Variants in DDX19A observed in about 807,000 individuals in gnomAD.
DDX19A encodes the protein ATP-dependent RNA helicase DDX19A.
Under a neutral mutation model 60.6 loss-of-function variants are expected in DDX19A, and 12 were observed. That is an observed-to-expected ratio of 0.20 (90% CI 0.13 to 0.32). The LOEUF (loss-of-function observed/expected upper bound fraction) is 0.32. Among genes scored for constraint, DDX19A ranks in the 10% least tolerant of loss-of-function variants. The pLI is 1.00. For synonymous variants in DDX19A, 206 were observed against 218.2 expected (o/e 0.94, Z 0.49); for missense variants, 337 against 600.6 (o/e 0.56, Z 4.59).
chr16:70,349,742 C>T (rs1963956652), intron 1 of DDX19A, among the ~76,000 whole-genome samples: 1 of 152,180 alleles, frequency 6.6e-6, no homozygotes, highest in Non-Finnish European at 1.5e-5. Context: ...GAAAGAGTTA[C>T]TGAGAATTGG....
At chr16:70,350,686 G>C in intron 2 of DDX19A, 81 bp downstream of exon 2, 3 of 1,068,240 alleles carry the variant, frequency 2.8e-6, no homozygotes, top group Non-Finnish European at 4.2e-6. Context: ...TGTACAAAGA[G>C]CTGTCATTTC....
At chr16:70,361,363 C>A in intron 4 of DDX19A, 55 bp from the exon 5 acceptor site, 1 of 1,294,716 alleles carries the variant, frequency 7.7e-7, no homozygotes, top group Non-Finnish European at 1.1e-6. Flanking sequence ...GATTCTAGGC[C>A]TCTAAAACAA....
intron 2 of DDX19A, among the ~76,000 whole-genome samples, chr16:70,351,776 G>A (rs182157475): frequency 2.0e-4 from 30 of 150,804 alleles, no homozygotes; most frequent in South Asian, 4.2e-4. Flanking sequence ...GATCCACCCC[G>A]CTTGGCCTCC....
At chr16:70,348,142 T>C (rs1286413511) in intron 1 of DDX19A, among the ~76,000 whole-genome samples, 1 of 151,856 alleles carries the variant, frequency 6.6e-6, no homozygotes, top group Non-Finnish European at 1.5e-5. Context: ...AGGGCCTATG[T>C]TGGGCAGTGG....
chr16:70,356,427 G>T (rs1164157240), intron 4 of DDX19A, among the ~76,000 whole-genome samples, 180 bp downstream of exon 4: 6 of 151,900 alleles, frequency 3.9e-5, no homozygotes. Flanking sequence ...CGTGATCTCA[G>T]CTCACTGCAG....
chr16:70,366,454 G>C (rs1964522326), intron 8 of DDX19A, 170 bp from the exon 9 acceptor site: 5 of 1,232,688 alleles, frequency 4.1e-6, no homozygotes, highest in Non-Finnish European at 4.5e-6. Context: ...AGGAGACCTA[G>C]GGACTCTTCC....
chr16:70,348,784 C>CA (rs1044466003), intron 1 of DDX19A, among the ~76,000 whole-genome samples: 4 of 151,426 alleles, frequency 2.6e-5, no homozygotes, highest in Admixed American at 6.6e-5. Flanking sequence ...TACAAAAATA[C>CA]AAAAAAAATT....
At chr16:70,359,984 A>G (rs917381324) in intron 4 of DDX19A, among the ~76,000 whole-genome samples, 5 of 151,836 alleles carry the variant, frequency 3.3e-5, no homozygotes, top group Admixed American at 3.3e-4. Context: ...GGCTTCATCA[A>G]TTTTCTTTTT....
intron 4 of DDX19A, among the ~76,000 whole-genome samples, chr16:70,357,655 A>G (rs781742467): frequency 2.6e-5 from 4 of 151,962 alleles, no homozygotes; most frequent in Non-Finnish European, 5.9e-5. Context: ...AAGTGCTGAG[A>G]TTACAGGCAT....
intron 9 of DDX19A, 106 bp downstream of exon 9, chr16:70,366,967 G>A (rs1964538893): frequency 7.6e-7 from 1 of 1,320,908 alleles, no homozygotes; most frequent in Admixed American, 1.9e-5. Context: ...GAAGGGAAGT[G>A]CTTTTTGAAG....
chr16:70,367,085 T>C lies in DDX19A; in HGVS notation c.1020+224T>C, dbSNP rs530848519. On this transcript the variant is annotated intron_variant, in intron 9 of 11. Transcript: ENST00000302243. ...TTATGTCTTATTTGTGGATGATGTA[T>C]TGTTGCACAACCCAAGAGAATCAAC... 2.2e-4 allele frequency among the ~76,000 whole-genome samples: 34 copies of C among 152,288 alleles called. No homozygotes were observed. In the South Asian group the frequency reaches 6.8e-3, roughly 31 times the overall value.
At position 70,365,026 on chromosome 16, in the gene DDX19A, C is replaced by G; in HGVS notation, c.499C>G (p.Leu167Val). Residue 167 changes from leucine (L) to valine (V), a missense_variant, in exon 7 of 12, where the codon CTC (leucine) becomes GTC (valine). Leu to Val is a conservative substitution (Grantham distance 32). Coordinates refer to ENST00000302243, the MANE Select transcript of DDX19A (RefSeq NM_018332.5). ...PSDRYPQCLC[L>V]SPTYELALQT... ...ATGATTTTTCTGTCAGTGTCTGTGCCTCTCCCCAACATATGAGCTGGCGCT... is the reference window on the plus strand; with the variant it reads ...ATGATTTTTCTGTCAGTGTCTGTGCGTCTCCCCAACATATGAGCTGGCGCT... 1 of 1,613,946 alleles carries G rather than the reference C, an allele frequency of 6.2e-7. No individual in the cohort carries two copies. Among genetic ancestry groups the G allele is most frequent in the Non-Finnish European group, 8.5e-7 (1 of 1,179,890 alleles).
At chr16:70,355,347 C>T in intron 2 of DDX19A, 138 bp from the exon 3 acceptor site, 1 of 661,420 alleles carries the variant, frequency 1.5e-6, no homozygotes, top group Non-Finnish European at 2.6e-6. Context: ...TGCACTCCAG[C>T]CTTGGGCTAC....
Position 70,366,223 on chromosome 16 carries a change from C to G in DDX19A, c.743C>G (p.Ala248Gly). ...CTGGATGAGGCTGATGTCATGATAG[C>G]CACTCAGGGCCACCAAGATCAGAGC... is the stretch of plus-strand genomic sequence containing the variant. ...FVLDEADVMI[A>G]TQGHQDQSIR... Residue 248 changes from alanine (A) to glycine (G), a missense_variant, in exon 8 of 12, where the codon GCC becomes GGC. This residue lies in a region of DDX19A where 117 missense variants were observed against 274.3 expected (regional missense o/e 0.43). Transcript: ENST00000302243. 6.2e-7 allele frequency: 1 copy of G among 1,614,086 alleles called. No individual in the cohort carries two copies. Among genetic ancestry groups the G allele is most frequent in the South Asian group, 1.1e-5 (1 of 91,074 alleles).
chr16:70,351,498 C>T (rs997984225), intron 2 of DDX19A, among the ~76,000 whole-genome samples: 1 of 151,872 alleles, frequency 6.6e-6, no homozygotes, highest in Non-Finnish European at 1.5e-5. Flanking sequence ...TGAGTCACTG[C>T]ACTTGGCCTA....
At chr16:70,369,209 CTCG>C (rs138259855) in intron 9 of DDX19A, among the ~76,000 whole-genome samples, 8,046 of 89,202 alleles carry the variant, frequency 0.09, 966 homozygotes, top group African/African-American at 0.3. Flanking sequence ...GAAACGGAAT[CTCG>C]CCTCTTGCCC....
chr16:70,369,931 G>C (rs1964633503), intron 9 of DDX19A, among the ~76,000 whole-genome samples: 1 of 152,112 alleles, frequency 6.6e-6, no homozygotes, highest in Admixed American at 6.6e-5. Context: ...ATTTTCGTAA[G>C]ATTACAAGCC....
chr16:70,364,605 C>T lies in DDX19A; in HGVS notation c.449C>T (p.Ala150Val), dbSNP rs1964462365. Reference sequence around the variant, plus strand: ...GGTAAAACAGCTGCCTTTGTCTTAGCCATGCTCAGCCGAGTGGAGCCATCA... The same window carrying T: ...GGTAAAACAGCTGCCTTTGTCTTAGTCATGCTCAGCCGAGTGGAGCCATCA... ...GTGKTAAFVL[A>V]MLSRVEPSDR... The change falls in exon 6 of 12, where the codon GCC (alanine) becomes GTC (valine). Residue 150 changes from alanine to valine, a missense_variant. Physicochemically the swap from Ala to Val is moderately conservative, Grantham distance 64. This residue lies in a region of DDX19A where 62 missense variants were observed against 75.7 expected (regional missense o/e 0.82). Coordinates refer to ENST00000302243, the MANE Select transcript of DDX19A (RefSeq NM_018332.5). 1 of 1,614,194 alleles carries T rather than the reference C, an allele frequency of 6.2e-7. No homozygotes were observed. The highest frequency in any genetic ancestry group is 8.5e-7 in the Non-Finnish European group (1 of 1,180,020).
At position 70,366,105 on chromosome 16, in the gene DDX19A, A is replaced by G. The variant is rs780259615; in HGVS notation, c.625A>G (p.Ser209Gly). 1.2e-6 allele frequency: 2 copies of G among 1,614,216 alleles called. No homozygotes were observed. The highest frequency in any genetic ancestry group is 1.1e-5 in the South Asian group (1 of 91,086). ...GNKLERGQKI[S>G]EQIVIGTPGT... is the part of the protein sequence containing the mutation. ...CACAGTGGAAAGAGGCCAGAAGATC[A>G]GTGAGCAGATTGTCATTGGCACCCC... The change falls in exon 8 of 12, where the codon AGT becomes GGT. Residue 209 changes from serine to glycine, a missense_variant. Ser to Gly is a moderately conservative substitution (Grantham distance 56). This residue lies in a region of DDX19A where 62 missense variants were observed against 75.7 expected (regional missense o/e 0.82). Transcript: ENST00000302243.
Sources: gnomAD v4.1 joint callset for allele counts (sites outside exome capture counted in the v4.1 genomes callset) on GRCh38, gnomAD v4.1.1 for gene constraint, gnomAD v4.1.1 regional missense constraint, MANE v1.5 for transcripts, NCBI Gene and HGNC (gene_info 2026-07-23, HGNC 2026-07-21) for gene names.